Variants in KHDRBS3 observed in about 807,000 individuals in gnomAD.
The protein encoded by KHDRBS3 is KH domain-containing, RNA-binding, signal transduction-associated protein 3.
Under a neutral mutation model 45.6 loss-of-function variants are expected in KHDRBS3, and 23 were observed. The ratio of observed to expected loss-of-function variants is 0.50; its 90% CI spans 0.36 to 0.72. The LOEUF is 0.72. Ranked by LOEUF, KHDRBS3 falls within the 30% of genes least tolerant of loss-of-function variation. The pLI, the probability that KHDRBS3 is intolerant of heterozygous loss-of-function variation, is 0.00. For missense variants in KHDRBS3, 352 were observed against 424.8 expected, an observed-to-expected ratio of 0.83 and a Z score of 1.51; for synonymous variants, 162 against 156.5, an observed-to-expected ratio of 1.04 and a Z score of -0.26.
At chr8:135,647,726 A>G (rs578245250), downstream of KHDRBS3, 1 of 152,374 alleles carries the variant, frequency 6.6e-6, no homozygotes, top group Non-Finnish European at 1.5e-5. Flanking sequence ...AAAGGGTCAC[A>G]CTAAACATTG....
chr8:135,509,630 G>T (rs1824174170), intron 1 of KHDRBS3, among the ~76,000 whole-genome samples: 1 of 152,090 alleles, frequency 6.6e-6, no homozygotes, highest in South Asian at 2.1e-4. Flanking sequence ...GAAGACCTTT[G>T]AGTATTTCCT....
intron 7 of KHDRBS3, among the ~76,000 whole-genome samples, chr8:135,608,395 T>C (rs1356276539): frequency 6.6e-6 from 1 of 152,212 alleles, no homozygotes; most frequent in Non-Finnish European, 1.5e-5. Context: ...GAGTGCATAC[T>C]ATATTCCTGG....
chr8:135,592,216 A>T (rs1320304499), intron 6 of KHDRBS3, among the ~76,000 whole-genome samples: 1 of 152,160 alleles, frequency 6.6e-6, no homozygotes, highest in Non-Finnish European at 1.5e-5. Flanking sequence ...GTTCAGATTT[A>T]AAATATATGA....
intron 7 of KHDRBS3, among the ~76,000 whole-genome samples, chr8:135,633,832 C>T (rs965785235): frequency 1.3e-5 from 2 of 152,216 alleles, no homozygotes; most frequent in African/African-American, 4.8e-5. Context: ...CATCTGCCAC[C>T]AGAGTGGTGT....
intron 1 of KHDRBS3, among the ~76,000 whole-genome samples, chr8:135,461,514 A>C (rs895005185): frequency 1.3e-5 from 2 of 152,220 alleles, no homozygotes; most frequent in African/African-American, 4.8e-5. Context: ...TGGTGCCTGT[A>C]GGGTGAATTG....
chr8:135,555,838 C>T (rs760529461), intron 4 of KHDRBS3, among the ~76,000 whole-genome samples: 3 of 152,076 alleles, frequency 2.0e-5, no homozygotes, highest in Non-Finnish European at 4.4e-5. Flanking sequence ...TTGCTGCACC[C>T]GTCAACCCGT....
intron 5 of KHDRBS3, among the ~76,000 whole-genome samples, chr8:135,570,792 A>G (rs537188868): frequency 9.2e-5 from 14 of 152,264 alleles, no homozygotes; most frequent in African/African-American, 3.1e-4. Context: ...TTACCATGGA[A>G]ATGAGTTTCT....
intron 1 of KHDRBS3, chr8:135,458,868 T>C (rs1163365521): frequency 2.2e-6 from 1 of 456,246 alleles, no homozygotes; most frequent in Admixed American, 2.3e-5. Context: ...TTCCCCTGGC[T>C]TTTTCCTCCT....
intron 7 of KHDRBS3, among the ~76,000 whole-genome samples, chr8:135,621,087 C>T (rs1226159702): frequency 1.4e-5 from 2 of 145,322 alleles, no homozygotes; most frequent in South Asian, 2.1e-4. Flanking sequence ...TTGATGTAGT[C>T]TTCAACTCTG....
In KHDRBS3 at chr8:135,457,944, G is replaced by C. The variant is rs764520283; in HGVS notation, c.78G>C (p.Leu26=). 6.3e-7 allele frequency: 1 copy of C among 1,595,472 alleles called. No individual in the cohort carries two copies. The highest frequency in any genetic ancestry group is 8.5e-7 in the Non-Finnish European group (1 of 1,171,892). The change falls in exon 1 of 9, where the codon CTG becomes CTC. Residue 26 remains leucine (L), a synonymous_variant. Coordinates refer to ENST00000355849, the MANE Select transcript of KHDRBS3 (RefSeq NM_006558.3). This position sits in a 1 kb window ranked among gnomAD's most constrained non-coding sequence, Gnocchi z 4.4. ...CCTCCTTCACGCACGCCCTGCGCCT[G>C]GTGAACCAAGGTGAGGCGCCGGCCG... ...LDPSFTHALR[L]VNQEIEKFQK... is the part of the protein sequence containing the mutation.
intron 4 of KHDRBS3, among the ~76,000 whole-genome samples, chr8:135,552,165 T>C (rs971904874): frequency 3.9e-5 from 6 of 152,224 alleles, no homozygotes; most frequent in African/African-American, 1.4e-4. Context: ...TGTAGGTTTA[T>C]GTTTTTCATT....
At chr8:135,536,169 A>G (rs1298889673) in intron 2 of KHDRBS3, among the ~76,000 whole-genome samples, 2 of 150,644 alleles carry the variant, frequency 1.3e-5, no homozygotes, top group Non-Finnish European at 2.9e-5. Context: ...ATTCCTGGAC[A>G]GAGATACCTA....
rs144137403 is a variant in KHDRBS3 at position 135,584,499 on chromosome 8, A to G, written c.807+2426A>G. Among the ~76,000 whole-genome samples the G allele has an allele frequency of 7.0e-4, 107 of 152,336 alleles. No individual in the cohort carries two copies. The East Asian group carries it at 7.1e-3, about 10-fold the overall frequency. Reference sequence around the variant, plus strand: ...AGCTTTCCCACTTAATTTAGCATCTATTATTCCTGGCAGTGCCTTTTAAGA... The same window carrying G: ...AGCTTTCCCACTTAATTTAGCATCTGTTATTCCTGGCAGTGCCTTTTAAGA... On this transcript the variant is annotated intron_variant, in intron 6 of 8. Transcript: ENST00000355849.
At chr8:135,569,489 A>G (rs1364099922) in intron 5 of KHDRBS3, among the ~76,000 whole-genome samples, 1 of 152,218 alleles carries the variant, frequency 6.6e-6, no homozygotes, top group Non-Finnish European at 1.5e-5. Flanking sequence ...ATTCACCAGG[A>G]GTTTTTCTAA....
At chr8:135,627,756 C>G (rs1722762007) in intron 7 of KHDRBS3, among the ~76,000 whole-genome samples, 1 of 152,130 alleles carries the variant, frequency 6.6e-6, no homozygotes, top group African/African-American at 2.4e-5. Flanking sequence ...GGCTTTTTCT[C>G]TTAGATGTTG....
At chr8:135,494,406 G>A (rs1218101370) in intron 1 of KHDRBS3, among the ~76,000 whole-genome samples, 1 of 150,614 alleles carries the variant, frequency 6.6e-6, no homozygotes, top group East Asian at 2.0e-4. Flanking sequence ...AGCCTCCTGA[G>A]TAGCTGGGGC....
At chr8:135,466,345 C>G (rs1258574513) in intron 1 of KHDRBS3, among the ~76,000 whole-genome samples, 1 of 152,140 alleles carries the variant, frequency 6.6e-6, no homozygotes, top group Non-Finnish European at 1.5e-5. Context: ...TCTCATTTTA[C>G]AGGTAAGAAG....
intron 2 of KHDRBS3, chr8:135,539,071 T>G (rs1825919379): frequency 6.6e-6 from 1 of 152,242 alleles, no homozygotes; most frequent in South Asian, 2.1e-4. Flanking sequence ...CCTCTAGCAG[T>G]ATTTTTTACC....
At chr8:135,524,042 G>A (rs1473796120) in intron 2 of KHDRBS3, among the ~76,000 whole-genome samples, 1 of 151,738 alleles carries the variant, frequency 6.6e-6, no homozygotes, top group East Asian at 1.9e-4. Context: ...TTGAGACAGA[G>A]TCTCACTCTG....
Sources: gnomAD v4.1 joint callset for allele counts (sites outside exome capture counted in the v4.1 genomes callset) on GRCh38, gnomAD v4.1.1 for gene constraint, Gnocchi (gnomAD v3.1) non-coding constraint, MANE v1.5 for transcripts, NCBI Gene and HGNC (gene_info 2026-07-23, HGNC 2026-07-21) for gene names.